PDE12: variants seen among roughly 807,000 people sequenced by gnomAD.
PDE12 encodes 2',5'-phosphodiesterase 12.
Under a neutral mutation model 45.4 loss-of-function variants are expected in PDE12, and 26 were observed. The observed-to-expected ratio is 0.57, with a 90% CI of 0.42 to 0.79. PDE12 has a LOEUF of 0.79. Among genes scored for constraint, PDE12 ranks in the 30% least tolerant of loss-of-function variants. PDE12 has a pLI of 0.00. For synonymous variants in PDE12, 283 were observed against 323.9 expected, an observed-to-expected ratio of 0.87 and a Z score of 1.36; for missense variants, 668 against 790.0, an observed-to-expected ratio of 0.85 and a Z score of 1.85.
At chr3:57,582,045 G>A in the PDE12 span, among the ~76,000 whole-genome samples, 1 of 152,154 alleles carries the variant, frequency 6.6e-6, no homozygotes, top group Non-Finnish European at 1.5e-5. Context: ...GATTTAGAAT[G>A]CTCAACTGGG....
chr3:57,573,936 T>G, the PDE12 span, among the ~76,000 whole-genome samples: 6 of 151,272 alleles, frequency 4.0e-5, no homozygotes, highest in Admixed American at 4.0e-4. Flanking sequence ...ATAGGTTGTT[T>G]TTTTTTGTTT....
chr3:57,560,923 C>A lies in PDE12; in HGVS notation c.*919C>A. On this transcript the variant is annotated 3_prime_UTR_variant, in exon 3 of 3. Transcript: ENST00000311180. ...GCTTTAACAAAAGATAAAAATAAAT[C>A]GTCACCAATTGTTATTGCTTCTCAT... 1 of 983,496 alleles carries A rather than the reference C, an allele frequency of 1.0e-6. No individual in the cohort carries two copies. The highest frequency in any genetic ancestry group is 1.2e-6 in the Non-Finnish European group (1 of 827,806). 60.9% of individuals were successfully genotyped at this position (983,496 alleles called of 1,614,324 possible).
the PDE12 span, chr3:57,597,486 C>A: frequency 5.1e-6 from 1 of 196,676 alleles, no homozygotes; most frequent in Non-Finnish European, 1.1e-5. Flanking sequence ...GCTTCCGGTG[C>A]GCCCGAGCCA....
chr3:57,572,313 CAAG>C, the PDE12 span: 1 of 1,584,164 alleles, frequency 6.3e-7, no homozygotes, highest in Non-Finnish European at 8.7e-7. Context: ...AAAGAGAAGA[CAAG>C]AAAATACTTG....
At chr3:57,584,000 A>G in the PDE12 span, 2 of 1,606,334 alleles carry the variant, frequency 1.2e-6, no homozygotes, top group Non-Finnish European at 1.7e-6. Flanking sequence ...CTGTTTCCAC[A>G]TTAAAACCTA....
chr3:57,602,613 C>A, the PDE12 span, among the ~76,000 whole-genome samples: 1 of 152,122 alleles, frequency 6.6e-6, no homozygotes, highest in Admixed American at 6.6e-5. Flanking sequence ...CTCTGCTGCC[C>A]AGGCTGGAAT....
At chr3:57,640,275 A>C in the PDE12 span, among the ~76,000 whole-genome samples, 2 of 146,426 alleles carry the variant, frequency 1.4e-5, no homozygotes, top group Non-Finnish European at 3.0e-5. Context: ...TCTCAAAAAA[A>C]AAAAACAAAA....
chr3:57,648,051 T>A, the PDE12 span, among the ~76,000 whole-genome samples: 1 of 152,036 alleles, frequency 6.6e-6, no homozygotes, highest in Non-Finnish European at 1.5e-5. Flanking sequence ...AGCATGCAAA[T>A]TGGTAATGAG....
the PDE12 span, among the ~76,000 whole-genome samples, chr3:57,578,184 G>A: frequency 6.6e-6 from 1 of 152,054 alleles, no homozygotes; most frequent in Non-Finnish European, 1.5e-5. Flanking sequence ...CTTCATCATG[G>A]AAGGAAAAAA....
At chr3:57,573,303 C>T in the PDE12 span, among the ~76,000 whole-genome samples, 18 of 151,936 alleles carry the variant, frequency 1.2e-4, no homozygotes, top group Admixed American at 3.9e-4. Context: ...CATTCCAAAA[C>T]GTTCTTGCTT....
the PDE12 span, among the ~76,000 whole-genome samples, chr3:57,613,630 G>A: frequency 6.6e-6 from 1 of 151,742 alleles, no homozygotes; most frequent in East Asian, 2.0e-4. Flanking sequence ...CTGGGCACCT[G>A]TGGCTCACGC....
intron 1 of PDE12, 88 bp downstream of exon 1, chr3:57,557,775 T>G: frequency 1.7e-6 from 2 of 1,167,458 alleles, no homozygotes; most frequent in South Asian, 2.9e-5. Flanking sequence ...AAAAGTGCGA[T>G]GAAAGTATCC....
chr3:57,596,361 A>G, the PDE12 span, among the ~76,000 whole-genome samples: 125,501 of 152,172 alleles, frequency 0.82, 52,065 homozygotes, highest in East Asian at 1. Context: ...AAATAAGCTT[A>G]AAAACCTAGG....
At chr3:57,624,750 C>T in the PDE12 span, among the ~76,000 whole-genome samples, 1 of 149,380 alleles carries the variant, frequency 6.7e-6, no homozygotes, top group African/African-American at 2.5e-5. Flanking sequence ...GGTGACAGTG[C>T]AAGACTCCGT....
chr3:57,636,429 A>C, the PDE12 span, among the ~76,000 whole-genome samples: 5 of 152,222 alleles, frequency 3.3e-5, no homozygotes. Context: ...AGATACTGGC[A>C]ATACAGGAAC....
chr3:57,634,522 A>G, the PDE12 span: 1 of 1,199,990 alleles, frequency 8.3e-7, no homozygotes. Context: ...TACCTGAACA[A>G]GGAAATTTAA....
the PDE12 span, chr3:57,598,118 A>C: frequency 6.7e-6 from 1 of 150,012 alleles, no homozygotes; most frequent in Non-Finnish European, 1.5e-5. Context: ...TTTACTCCTT[A>C]TGTTGAGGAA....
chr3:57,591,293 A>G, the PDE12 span, among the ~76,000 whole-genome samples: 1 of 152,148 alleles, frequency 6.6e-6, no homozygotes, highest in East Asian at 1.9e-4. Flanking sequence ...AAAACAACCT[A>G]ATTTTTATCA....
the PDE12 span, chr3:57,598,140 C>T: frequency 6.6e-6 from 1 of 151,864 alleles, no homozygotes; most frequent in African/African-American, 2.4e-5. Context: ...CGGAAAGCCT[C>T]TTCACTTTAA....
Sources: gnomAD v4.1 joint callset for allele counts (sites outside exome capture counted in the v4.1 genomes callset) on GRCh38, gnomAD v4.1.1 for gene constraint, MANE v1.5 for transcripts, NCBI Gene and HGNC (gene_info 2026-07-23, HGNC 2026-07-21) for gene names.